ITPR2: variants seen among roughly 807,000 people sequenced by gnomAD.
The protein encoded by ITPR2 is inositol 1,4,5-trisphosphate receptor type 2, also known as inositol 1,4,5-trisphosphate-gated calcium channel ITPR2.
Under a neutral mutation model 317.1 loss-of-function variants are expected in ITPR2, and 207 were observed. The ratio of observed to expected loss-of-function variants is 0.65; its 90% confidence interval spans 0.58 to 0.73. The LOEUF (loss-of-function observed/expected upper bound fraction) is 0.73. Among genes scored for constraint, ITPR2 ranks in the 30% least tolerant of loss-of-function variants. ITPR2 has a pLI of 0.00. For synonymous variants in ITPR2, 1,156 were observed against 1,149.1 expected, an observed-to-expected ratio of 1.01 and a Z score of -0.12; for missense variants, 2,613 against 3,284.0, an observed-to-expected ratio of 0.80 and a Z score of 4.99.
At chr12:26,761,027 C>T (rs1949621505) in intron 2 of ITPR2, among the ~76,000 whole-genome samples, 1 of 152,158 alleles carries the variant, frequency 6.6e-6, no homozygotes, top group South Asian at 2.1e-4. Context: ...GGCTTAAGGG[C>T]CACCCCAGCA....
At chr12:26,821,566 A>G (rs1950938361) in intron 1 of ITPR2, among the ~76,000 whole-genome samples, 1 of 152,228 alleles carries the variant, frequency 6.6e-6, no homozygotes, top group Non-Finnish European at 1.5e-5. Flanking sequence ...GAGCTCCTCC[A>G]GTATTCTCAC....
Position 26,631,895 on chromosome 12 carries a change from T to C in ITPR2, c.2905A>G (p.Thr969Ala). ...AAAATCTCAATGATCTTCAGCTTGG[T>C]GTCCATCACAGTCACATCCTCGTGC... ...TEHEDVTVMD[T>A]KLKIIEILQF... Residue 969 changes from threonine to alanine, a missense_variant, in exon 22 of 57, where the codon ACC becomes GCC. Physicochemically the swap from Thr to Ala is moderately conservative, Grantham distance 58. Around this residue, in one of 9 missense-constraint regions of ITPR2, gnomAD observed 817 missense variants for 897.6 expected, o/e 0.91. Transcript: ENST00000381340. 1.9e-6 allele frequency: 3 copies of C among 1,614,062 alleles called. No homozygotes were observed. The highest frequency in any genetic ancestry group is 2.5e-6 in the Non-Finnish European group (3 of 1,179,992).
intron 55 of ITPR2, among the ~76,000 whole-genome samples, chr12:26,376,815 A>G (rs1394054784): frequency 6.6e-6 from 1 of 150,962 alleles, no homozygotes; most frequent in Non-Finnish European, 1.5e-5. Context: ...TGCAACCTCC[A>G]CTTCCTGTTC....
At chr12:26,684,825 A>G (rs1330934498) in intron 11 of ITPR2, among the ~76,000 whole-genome samples, 1 of 152,158 alleles carries the variant, frequency 6.6e-6, no homozygotes, top group Non-Finnish European at 1.5e-5. Context: ...TAAATCTAAA[A>G]TAAGTAAAGT....
intron 37 of ITPR2, among the ~76,000 whole-genome samples, chr12:26,500,932 T>C (rs957373772): frequency 9.2e-5 from 14 of 152,204 alleles, no homozygotes; most frequent in Non-Finnish European, 1.9e-4. Flanking sequence ...GCTACCCACA[T>C]TCATTCCCAT....
chr12:26,602,378 A>C lies in ITPR2; in HGVS notation c.3670T>G (p.Tyr1224Asp), dbSNP rs1946021234. Reference sequence around the variant, plus strand: ...AAATAACCAGGACTAACCTTTTCATAGGGTATCTGCAGAAGATCCAACACC... The same window carrying C: ...AAATAACCAGGACTAACCTTTTCATCGGGTATCTGCAGAAGATCCAACACC... ...SVVLDLLQIPYEKNDEKMNEV... is the reference protein window; with the variant it reads ...SVVLDLLQIPDEKNDEKMNEV... The change falls in exon 28 of 57, where the codon TAT (tyrosine) becomes GAT (aspartate). Residue 1224 changes from tyrosine to aspartate, a missense_variant. Around this residue, in one of 9 missense-constraint regions of ITPR2, gnomAD observed 817 missense variants for 897.6 expected, o/e 0.91. Coordinates refer to ENST00000381340, the MANE Select transcript of ITPR2 (RefSeq NM_002223.4). The C allele has an allele frequency of 6.2e-7, 1 of 1,611,778 alleles. No homozygotes were observed. The highest frequency in any genetic ancestry group is 8.5e-7 in the Non-Finnish European group (1 of 1,179,144).
chr12:26,481,048 T>C (rs1942534180), intron 43 of ITPR2, 83 bp downstream of exon 43: 1 of 731,234 alleles, frequency 1.4e-6, no homozygotes, highest in Admixed American at 2.4e-5. Flanking sequence ...GAAAACATGA[T>C]AATATGCTTT....
At chr12:26,554,044 A>G (rs1441899506) in intron 36 of ITPR2, among the ~76,000 whole-genome samples, 1 of 152,140 alleles carries the variant, frequency 6.6e-6, no homozygotes, top group African/African-American at 2.4e-5. Flanking sequence ...CTATTATCAC[A>G]TCACTTCTGC....
At chr12:26,654,171 G>GAA in intron 20 of ITPR2, 45 bp from the exon 21 acceptor site, 3 of 1,416,536 alleles carry the variant, frequency 2.1e-6, no homozygotes, top group Non-Finnish European at 2.8e-6. Flanking sequence ...TGAAAGAGTG[G>GAA]AAAAAAAAAT....
At chr12:26,408,781 C>T (rs1326181464) in intron 52 of ITPR2, among the ~76,000 whole-genome samples, 1 of 152,098 alleles carries the variant, frequency 6.6e-6, no homozygotes, top group African/African-American at 2.4e-5. Context: ...ATAAAGGAAA[C>T]AATATTAAAG....
chr12:26,760,780 C>T (rs1330533673), intron 2 of ITPR2, among the ~76,000 whole-genome samples: 1 of 152,204 alleles, frequency 6.6e-6, no homozygotes, highest in East Asian at 1.9e-4. Flanking sequence ...TGTGAAAACA[C>T]ATTCCCTGAG....
intron 37 of ITPR2, among the ~76,000 whole-genome samples, chr12:26,524,327 A>G (rs912130746): frequency 6.6e-6 from 1 of 152,240 alleles, no homozygotes; most frequent in African/African-American, 2.4e-5. Context: ...CACAGGGGGT[A>G]CTATACATTC....
intron 32 of ITPR2, among the ~76,000 whole-genome samples, chr12:26,586,911 A>T (rs760228794): frequency 5.9e-5 from 9 of 152,124 alleles, no homozygotes; most frequent in Non-Finnish European, 1.3e-4. Flanking sequence ...TGGCAATAGG[A>T]GTCTACAAAG....
chr12:26,414,678 C>A (rs576617597), intron 51 of ITPR2, among the ~76,000 whole-genome samples: 14 of 152,220 alleles, frequency 9.2e-5, no homozygotes, highest in Admixed American at 3.9e-4. Context: ...TAAAGCCTAA[C>A]ACCACAGGAA....
At chr12:26,586,644 CTAAA>C (rs1945536894) in intron 32 of ITPR2, among the ~76,000 whole-genome samples, 1 of 151,996 alleles carries the variant, frequency 6.6e-6, no homozygotes, top group Non-Finnish European at 1.5e-5. Flanking sequence ...TCATTTCACC[CTAAA>C]TAGTCAGTGT....
intron 2 of ITPR2, among the ~76,000 whole-genome samples, chr12:26,747,059 A>G (rs536980966): frequency 2.0e-5 from 3 of 152,268 alleles, no homozygotes; most frequent in African/African-American, 4.8e-5. Flanking sequence ...GAAGTAATCA[A>G]TCTCCCAAAA....
chr12:26,688,503 G>A (rs910702752), intron 10 of ITPR2, among the ~76,000 whole-genome samples: 1 of 151,898 alleles, frequency 6.6e-6, no homozygotes, highest in African/African-American at 2.4e-5. Flanking sequence ...GAAAGATGAG[G>A]GAAGGGGAAA....
At chr12:26,509,958 T>TTTTTTGTGTGTG (rs1247091708) in intron 37 of ITPR2, among the ~76,000 whole-genome samples, 1 of 53,262 alleles carries the variant, frequency 1.9e-5, no homozygotes, top group East Asian at 5.9e-4. Context: ...GATAAGGGTT[T>TTTTTTGTGTGTG]TGTGTGTGTG....
At position 26,832,605 on chromosome 12, in the gene ITPR2, G is replaced by A; in HGVS notation, c.92+85C>T. ...GGCCGGGCCACCACGCGCGGCAGCG[G>A]GAGGACCGGGCGGCGGAGGAGGGAC... On this transcript the variant is annotated intron_variant, in intron 1 of 56. Transcript: ENST00000381340. The A allele has an allele frequency of 7.7e-6, 8 of 1,042,720 alleles. No individual in the cohort carries two copies. The South Asian group carries it at 1.0e-4, about 13-fold the overall frequency. 64.6% of individuals were successfully genotyped at this position (1,042,720 alleles called of 1,614,324 possible).
Sources: allele counts gnomAD v4.1 joint callset (sites outside exome capture counted in the v4.1 genomes callset), GRCh38; gene constraint gnomAD v4.1.1; regional missense constraint gnomAD v4.1.1; transcripts MANE v1.5; gene names NCBI Gene and HGNC (gene_info 2026-07-23, HGNC 2026-07-21).